Variants in COMMD1 observed in about 807,000 individuals in gnomAD.
COMMD1 encodes COMM domain-containing protein 1.
Under a neutral mutation model 17.2 loss-of-function variants are expected in COMMD1, and 10 were observed. The observed-to-expected ratio is 0.58, with a 90% confidence interval of 0.36 to 0.99. The LOEUF is 0.99. COMMD1 is among the 50% of genes least tolerant of loss of function. COMMD1 has a pLI of 0.01. For synonymous variants in COMMD1, 97 were observed against 91.6 expected (o/e 1.06, Z -0.34); for missense variants, 270 against 231.8 (o/e 1.17, Z -1.07).
At chr2:62,018,451 A>C (rs985290300) in intron 2 of COMMD1, among the ~76,000 whole-genome samples, 2 of 152,236 alleles carry the variant, frequency 1.3e-5, no homozygotes, top group Non-Finnish European at 2.9e-5. Context: ...TTTCTGTTCC[A>C]GGATTAAATC....
intron 1 of COMMD1, among the ~76,000 whole-genome samples, chr2:61,892,169 C>CA (rs1396210740): frequency 1.3e-5 from 2 of 151,810 alleles, no homozygotes; most frequent in African/African-American, 4.8e-5. Flanking sequence ...CAAAACAAAA[C>CA]AAAACCAAAC....
chr2:61,888,769 C>T (rs1333227064), exon 1 of COMMD1: 2 of 505,620 alleles, frequency 4.0e-6, no homozygotes, highest in East Asian at 3.5e-5. Context: ...ACGCCCGGGG[C>T]GCTGTGGGTG....
At chr2:61,949,886 T>A (rs1484415740) in intron 1 of COMMD1, among the ~76,000 whole-genome samples, 1 of 152,188 alleles carries the variant, frequency 6.6e-6, no homozygotes, top group Non-Finnish European at 1.5e-5. Flanking sequence ...CCCAGGCCAC[T>A]GGCTGCCTGC....
At chr2:61,989,712 C>T (rs559322818) in intron 1 of COMMD1, among the ~76,000 whole-genome samples, 4 of 152,124 alleles carry the variant, frequency 2.6e-5, no homozygotes, top group African/African-American at 4.8e-5. Flanking sequence ...GATCCGCCCA[C>T]GTCGGCCTCC....
intron 2 of COMMD1, among the ~76,000 whole-genome samples, chr2:62,031,742 A>G (rs1669912690): frequency 2.0e-5 from 3 of 152,202 alleles, no homozygotes; most frequent in African/African-American, 7.2e-5. Context: ...AGTGGCTTTT[A>G]AAATAAAAAT....
At chr2:61,937,217 T>G (rs571358876) in intron 1 of COMMD1, among the ~76,000 whole-genome samples, 2 of 152,298 alleles carry the variant, frequency 1.3e-5, no homozygotes, top group East Asian at 3.9e-4. Context: ...ATATTAGGGC[T>G]GGAGGGGTAT....
chr2:61,990,903 T>TACAC (rs34009777), intron 1 of COMMD1, among the ~76,000 whole-genome samples: 21,052 of 116,036 alleles, frequency 0.18, 2,176 homozygotes, highest in African/African-American at 0.25. Flanking sequence ...TATATATATA[T>TACAC]ACACACACAC....
chr2:61,994,462 T>C (rs914808620), intron 1 of COMMD1, among the ~76,000 whole-genome samples: 1 of 152,244 alleles, frequency 6.6e-6, no homozygotes, highest in African/African-American at 2.4e-5. Context: ...CAGCTTGTTT[T>C]TCTTTCAGCT....
In COMMD1 at chr2:62,053,323, C is replaced by T. The variant is rs576776800; in HGVS notation, c.462+52341C>T. ...TTGCTCATATATTTTTGGAGGTACT[C>T]GTCGTATTTATTTGTGGGGTTTTTT... is the stretch of plus-strand genomic sequence containing the variant. On this transcript the variant is annotated intron_variant, in intron 2 of 2. Coordinates refer to ENST00000311832, the MANE Select transcript of COMMD1 (RefSeq NM_152516.4). 4.6e-5 allele frequency among the ~76,000 whole-genome samples: 7 copies of T among 151,676 alleles called. No individual in the cohort carries two copies. In the South Asian group the frequency reaches 6.3e-4, roughly 14 times the overall value.
At chr2:61,891,900 C>T (rs1050790983) in intron 1 of COMMD1, among the ~76,000 whole-genome samples, 2 of 151,456 alleles carry the variant, frequency 1.3e-5, no homozygotes, top group African/African-American at 2.4e-5. Flanking sequence ...GGCACAATCT[C>T]GGCTCACTGC....
chr2:62,133,291 T>C (rs1408578726), intron 2 of COMMD1, among the ~76,000 whole-genome samples: 2 of 152,174 alleles, frequency 1.3e-5, no homozygotes, highest in East Asian at 1.9e-4. Context: ...CAAAACCAAC[T>C]CCTGAATGTT....
chr2:61,948,294 A>AT (rs909521886), intron 1 of COMMD1, among the ~76,000 whole-genome samples: 4 of 152,096 alleles, frequency 2.6e-5, no homozygotes, highest in South Asian at 2.1e-4. Flanking sequence ...ATATTAAACT[A>AT]TTTTTTTCTT....
chr2:62,072,818 A>T (rs913433057), intron 2 of COMMD1, among the ~76,000 whole-genome samples: 1 of 152,200 alleles, frequency 6.6e-6, no homozygotes, highest in Non-Finnish European at 1.5e-5. Context: ...TACGGGGCTC[A>T]TGCCTGTGCC....
chr2:62,118,501 G>T (rs1672661486), intron 2 of COMMD1, among the ~76,000 whole-genome samples: 1 of 152,224 alleles, frequency 6.6e-6, no homozygotes, highest in African/African-American at 2.4e-5. Flanking sequence ...ACTTCATGCA[G>T]TGACTGCAAT....
At chr2:62,099,519 G>A (rs1423966852) in intron 2 of COMMD1, among the ~76,000 whole-genome samples, 2 of 151,856 alleles carry the variant, frequency 1.3e-5, no homozygotes, top group Non-Finnish European at 2.9e-5. Flanking sequence ...TGCCCACTGG[G>A]GACCGCTCTC....
chr2:61,965,374 T>C (rs1333421985), intron 1 of COMMD1, among the ~76,000 whole-genome samples: 1 of 152,206 alleles, frequency 6.6e-6, no homozygotes, highest in African/African-American at 2.4e-5. Flanking sequence ...ACTGTTTGGA[T>C]TAACAGTGTG....
chr2:62,095,067 A>G (rs372896026), intron 2 of COMMD1, among the ~76,000 whole-genome samples: 1 of 152,308 alleles, frequency 6.6e-6, no homozygotes, highest in African/African-American at 2.4e-5. Context: ...CCCCATACAC[A>G]TGTGCAATAA....
At chr2:62,050,841 T>TC (rs1247654399) in intron 2 of COMMD1, among the ~76,000 whole-genome samples, 2 of 152,162 alleles carry the variant, frequency 1.3e-5, no homozygotes, top group Non-Finnish European at 2.9e-5. Flanking sequence ...ACTTTTTTTT[T>TC]CTTAAAGAAA....
intron 2 of COMMD1, among the ~76,000 whole-genome samples, chr2:62,029,519 A>G (rs1669857109): frequency 6.6e-6 from 1 of 152,150 alleles, no homozygotes; most frequent in African/African-American, 2.4e-5. Flanking sequence ...TCTTGTTTTC[A>G]TCTATATTTC....
Sources: gnomAD v4.1 joint callset for allele counts (sites outside exome capture counted in the v4.1 genomes callset) on GRCh38, gnomAD v4.1.1 for gene constraint, MANE v1.5 for transcripts, NCBI Gene and HGNC (gene_info 2026-07-23, HGNC 2026-07-21) for gene names.